Variants in PRIM2 observed in about 807,000 individuals in gnomAD.
PRIM2 encodes DNA primase large subunit.
Under a neutral mutation model 67.3 loss-of-function variants are expected in PRIM2, and 39 were observed. That is an observed-to-expected ratio of 0.58 (90% CI 0.45 to 0.76). PRIM2 has a LOEUF of 0.76. Among genes scored for constraint, PRIM2 ranks in the 30% least tolerant of loss-of-function variants. PRIM2 has a pLI of 0.00. For synonymous variants in PRIM2, 143 were observed against 198.7 expected, an observed-to-expected ratio of 0.72 and a Z score of 2.36; for missense variants, 398 against 598.7, an observed-to-expected ratio of 0.66 and a Z score of 3.50.
chr6:57,284,774 A>G, the PRIM2 span, among the ~76,000 whole-genome samples: 11 of 152,322 alleles, frequency 7.2e-5, no homozygotes, highest in Non-Finnish European at 1.3e-4. Context: ...AGCAATTTCA[A>G]TTCAAAGAAA....
At chr6:57,224,011 A>T in the PRIM2 span, among the ~76,000 whole-genome samples, 2 of 152,234 alleles carry the variant, frequency 1.3e-5, no homozygotes, top group Admixed American at 1.3e-4. Flanking sequence ...TCAAAAAAAA[A>T]TTTGTACAAC....
At chr6:57,507,726 A>C (rs1437984704) in intron 8 of PRIM2, among the ~76,000 whole-genome samples, 1 of 152,172 alleles carries the variant, frequency 6.6e-6, no homozygotes, top group African/African-American at 2.4e-5. Context: ...AACTTTACAG[A>C]AAGATCTCAA....
intron 10 of PRIM2, among the ~76,000 whole-genome samples, chr6:57,595,527 T>C (rs1227718655): frequency 5.9e-4 from 90 of 152,178 alleles, no homozygotes; most frequent in African/African-American, 2.0e-3. Flanking sequence ...CATATACCAA[T>C]TGCAAGCAGT....
the PRIM2 span, among the ~76,000 whole-genome samples, chr6:57,240,343 C>G: frequency 6.6e-6 from 1 of 152,084 alleles, no homozygotes; most frequent in Non-Finnish European, 1.5e-5. Context: ...TCAGGTGATC[C>G]TCCTGCCTCG....
the PRIM2 span, among the ~76,000 whole-genome samples, chr6:57,274,411 A>G: frequency 1.3e-5 from 2 of 152,214 alleles, no homozygotes; most frequent in Non-Finnish European, 2.9e-5. Context: ...CTCCGTGGGC[A>G]TAGGACCCTC....
chr6:57,309,451 C>G, the PRIM2 span, among the ~76,000 whole-genome samples: 1 of 151,954 alleles, frequency 6.6e-6, no homozygotes, highest in African/African-American at 2.4e-5. Flanking sequence ...TCATCCATAT[C>G]CCTACAAAGG....
At chr6:57,529,921 G>A (rs74194640) in intron 8 of PRIM2, among the ~76,000 whole-genome samples, 84,115 of 151,512 alleles carry the variant, frequency 0.56, 24,549 homozygotes, top group African/African-American at 0.74. Flanking sequence ...TCTTGCTGGT[G>A]GGGACTCTCT....
chr6:57,496,913 A>G (rs1162655184), intron 7 of PRIM2, among the ~76,000 whole-genome samples: 1 of 152,192 alleles, frequency 6.6e-6, no homozygotes, highest in African/African-American at 2.4e-5. Flanking sequence ...GAATTGTCTC[A>G]GCCAACTCCC....
At chr6:57,354,398 A>G (rs1768962740) in intron 5 of PRIM2, among the ~76,000 whole-genome samples, 1 of 152,212 alleles carries the variant, frequency 6.6e-6, no homozygotes, top group Non-Finnish European at 1.5e-5. Context: ...GAGAAGTGCT[A>G]AGTTTCAGCA....
chr6:57,463,418 G>T (rs907666798), intron 7 of PRIM2, among the ~76,000 whole-genome samples: 1 of 152,196 alleles, frequency 6.6e-6, no homozygotes, highest in South Asian at 2.1e-4. Context: ...CTTGAGCTTA[G>T]GAGATCAAGG....
chr6:57,362,736 A>G (rs954387940), intron 5 of PRIM2, among the ~76,000 whole-genome samples: 3 of 152,010 alleles, frequency 2.0e-5, no homozygotes, highest in Non-Finnish European at 2.9e-5. Flanking sequence ...TGAGTTTGAG[A>G]GGCCTTTAAT....
Position 57,441,306 on chromosome 6 carries a change from G to A in PRIM2, c.693+59138G>A, listed in dbSNP as rs73750272. 1.3e-3 allele frequency among the ~76,000 whole-genome samples: 201 copies of A among 152,186 alleles called. 1 individual carries two copies. The highest frequency in any genetic ancestry group is 4.3e-3 in the African/African-American group (178 of 41,520). The stretch of plus-strand genomic sequence containing the variant: ...TTAATGGTTCAGACCTTTTTTCCCC[G>A]CTAGCTTTTTAGAGCTTACCAGGGA... On this transcript the variant is annotated intron_variant, in intron 7 of 13. Transcript: ENST00000615550.
intron 7 of PRIM2, among the ~76,000 whole-genome samples, chr6:57,398,021 G>A (rs75215945): frequency 9.3e-5 from 14 of 149,962 alleles, no homozygotes; most frequent in South Asian, 4.2e-4. Flanking sequence ...GTGCAGTGGC[G>A]TGATCTCGGC....
At chr6:57,629,197 A>AT (rs1427128306) in intron 12 of PRIM2, among the ~76,000 whole-genome samples, 1 of 152,200 alleles carries the variant, frequency 6.6e-6, no homozygotes, top group Non-Finnish European at 1.5e-5. Flanking sequence ...TGCAGTCCAT[A>AT]TACAAATTCT....
At chr6:57,395,591 A>G (rs1473912439) in intron 7 of PRIM2, among the ~76,000 whole-genome samples, 2 of 151,884 alleles carry the variant, frequency 1.3e-5, no homozygotes, top group South Asian at 2.1e-4. Context: ...TATTAATTGT[A>G]TTTATCTTTT....
intron 7 of PRIM2, among the ~76,000 whole-genome samples, chr6:57,492,133 G>A (rs1773907657): frequency 6.6e-6 from 1 of 152,132 alleles, no homozygotes; most frequent in Non-Finnish European, 1.5e-5. Context: ...TCTGCCTAAA[G>A]CAAGATGGCT....
chr6:57,349,731 A>G (rs1768801629), intron 5 of PRIM2, among the ~76,000 whole-genome samples: 1 of 151,934 alleles, frequency 6.6e-6, no homozygotes, highest in South Asian at 2.1e-4. Flanking sequence ...GTCTTTTTGG[A>G]AGATTTAAAG....
At chr6:57,589,817 A>G (rs1451927707) in intron 10 of PRIM2, among the ~76,000 whole-genome samples, 1 of 152,166 alleles carries the variant, frequency 6.6e-6, no homozygotes, top group African/African-American at 2.4e-5. Flanking sequence ...TTCAATTGAG[A>G]AGTTCCCATG....
intron 7 of PRIM2, among the ~76,000 whole-genome samples, chr6:57,448,428 A>G (rs546397892): frequency 1.3e-5 from 2 of 152,332 alleles, no homozygotes; most frequent in Admixed American, 6.5e-5. Context: ...AATACATTTT[A>G]AAGAGCTTTA....
Sources: allele counts gnomAD v4.1 joint callset (sites outside exome capture counted in the v4.1 genomes callset), GRCh38; gene constraint gnomAD v4.1.1; transcripts MANE v1.5; gene names NCBI Gene and HGNC (gene_info 2026-07-23, HGNC 2026-07-21).